Variants in RNF19A observed in about 807,000 individuals in gnomAD.
The protein encoded by RNF19A is ring finger protein 19A, RBR E3 ubiquitin protein ligase, also known as E3 ubiquitin-protein ligase RNF19A.
In RNF19A, 32 loss-of-function variants were observed where a neutral mutation model predicts 75.7. The ratio of observed to expected loss-of-function variants is 0.42; its 90% CI spans 0.32 to 0.57. The LOEUF (loss-of-function observed/expected upper bound fraction) is 0.57, where lower values mean the gene tolerates loss of function less well. RNF19A is among the 20% of genes least tolerant of loss of function. The pLI is 0.10. For synonymous variants in RNF19A, 335 were observed against 345.2 expected, an observed-to-expected ratio of 0.97 and a Z score of 0.33; for missense variants, 782 against 1,036.3, an observed-to-expected ratio of 0.75 and a Z score of 3.37.
chr8:100,264,920 C>G lies in RNF19A; in HGVS notation c.1192-135G>C, dbSNP rs971831715. 7.9e-6 allele frequency: 5 copies of G among 631,930 alleles called. No homozygotes were observed. The highest frequency in any genetic ancestry group is 1.4e-5 in the Non-Finnish European group (5 of 359,064). The allele number at this position is 631,930 out of a possible 1,614,324, so 39.1% of individuals were successfully genotyped here. ...GCTGAGTATCTTAGTTCAAGGTAAA[C>G]CTACTAGTGTCCTTAAACTATTATA... On this transcript the variant is annotated intron_variant, in intron 5 of 9. Coordinates refer to ENST00000341084, the MANE Select transcript of RNF19A (RefSeq NM_183419.4). The surrounding 1 kb of genome is among the most constrained non-coding windows in gnomAD (Gnocchi z 4.7).
intron 2 of RNF19A, among the ~76,000 whole-genome samples, chr8:100,283,442 A>G (rs1820874881): frequency 6.6e-6 from 1 of 152,172 alleles, no homozygotes; most frequent in Non-Finnish European, 1.5e-5. Flanking sequence ...CATGTTCTAG[A>G]AGCTGTCTAG....
rs1822504846 is a variant in RNF19A, at chr8:100,324,641, A to C, written c.-242-11269T>G. On this transcript the variant is annotated intron_variant, in intron 1 of 3. Coordinates refer to the RNF19A transcript ENST00000519527. This position sits in a 1 kb window ranked among gnomAD's most constrained non-coding sequence, Gnocchi z 4.2. ...TAACATACATTTGCATTGATTTTTCACAAACGAAGAATTTCCAACCTGAGA... is the reference window on the plus strand; with the variant it reads ...TAACATACATTTGCATTGATTTTTCCCAAACGAAGAATTTCCAACCTGAGA... Among the ~76,000 whole-genome samples the C allele has an allele frequency of 6.6e-6, 1 of 152,186 alleles. No individual in the cohort carries two copies.
At chr8:100,285,491 T>C (rs1362191359) in intron 2 of RNF19A, among the ~76,000 whole-genome samples, 1 of 152,220 alleles carries the variant, frequency 6.6e-6, no homozygotes, top group Non-Finnish European at 1.5e-5. Flanking sequence ...CTATATATTA[T>C]GATGACATTA....
chr8:100,279,364 GGTTTTGTTTT>G (rs533092214), intron 2 of RNF19A, among the ~76,000 whole-genome samples: 67 of 152,020 alleles, frequency 4.4e-4, no homozygotes, highest in Middle Eastern at 6.8e-3. Flanking sequence ...TTGATTGCCA[GGTTTTGTTTT>G]GTTTTGTTTT....
At chr8:100,313,213 A>T, upstream of RNF19A, 1 of 466,832 alleles carries the variant, frequency 2.1e-6, no homozygotes, top group Non-Finnish European at 2.8e-6. Context: ...GAAAAAGCCT[A>T]CATATCCGTT....
At position 100,275,545 on chromosome 8, in the gene RNF19A, C is replaced by T. The variant is rs917254243; in HGVS notation, c.675-384G>A. ...ACCTGACAGGCAGTTTTTCAACTCT[C>T]GCCCCTCTCCCTCAACTTTTAAGTA... On this transcript the variant is annotated intron_variant, in intron 2 of 9. Transcript: ENST00000341084. This position sits in a 1 kb window ranked among gnomAD's most constrained non-coding sequence, Gnocchi z 4.3. Among the ~76,000 whole-genome samples, 2 of 151,570 alleles carry T rather than the reference C, an allele frequency of 1.3e-5. No homozygotes were observed. Among genetic ancestry groups the T allele is most frequent in the African/African-American group, 2.4e-5 (1 of 41,256 alleles).
intron 1 of RNF19A, among the ~76,000 whole-genome samples, chr8:100,306,901 T>C (rs1822084094): frequency 6.6e-6 from 1 of 152,188 alleles, no homozygotes; most frequent in Non-Finnish European, 1.5e-5. Flanking sequence ...ATTTAGCTAT[T>C]CTCCGTAAGT....
At chr8:100,292,435 GGTGTGTGTGTGTGT>G (rs1554671903) in intron 1 of RNF19A, among the ~76,000 whole-genome samples, 2 of 145,332 alleles carry the variant, frequency 1.4e-5, no homozygotes, top group South Asian at 2.2e-4. Flanking sequence ...CTATCATATG[GGTGTGTGTGTGTGT>G]GTGTGTGTGT....
chr8:100,336,138 A>C (rs1822679758), exon 1 of RNF19A: 1 of 152,426 alleles, frequency 6.6e-6, no homozygotes, highest in Non-Finnish European at 1.5e-5. Flanking sequence ...TAGCGAAGAA[A>C]TGCAGGGCAT....
chr8:100,275,425 CA>C lies in RNF19A; in HGVS notation c.675-265del, dbSNP rs1270999023. Among the ~76,000 whole-genome samples, 3 of 147,372 alleles carry C rather than the reference CA, an allele frequency of 2.0e-5. No homozygotes were observed. Among genetic ancestry groups the C allele is most frequent in the African/African-American group, 7.5e-5 (3 of 39,962 alleles). Reference sequence around the variant, plus strand: ...AGGTTCAGGGTTTTTTTTTTAGATTCAGGGGGTACATGTGCAAGTTTGTTAC... The same window carrying C: ...AGGTTCAGGGTTTTTTTTTTAGATTCGGGGGTACATGTGCAAGTTTGTTAC... On this transcript the variant is annotated intron_variant, in intron 2 of 9. Coordinates refer to ENST00000341084, the MANE Select transcript of RNF19A (RefSeq NM_183419.4). The surrounding 1 kb of genome is among the most constrained non-coding windows in gnomAD (Gnocchi z 4.3).
At position 100,259,049 on chromosome 8, in the gene RNF19A, C is replaced by G; in HGVS notation, c.2024G>C (p.Ser675Thr). The G allele has an allele frequency of 6.2e-7, 1 of 1,614,188 alleles. No individual in the cohort carries two copies. The highest frequency in any genetic ancestry group is 2.2e-5 in the East Asian group (1 of 44,890). ...KEATAGKKSK[S>T]GKLRKKGNMK... ...GTTACCCTTTTTCCTCAGTTTACCA[C>G]TTTTTGATTTTTTCCCTGCTGTTGC... The change falls in exon 10 of 10, where the codon AGT (serine) becomes ACT (threonine). Residue 675 changes from serine to threonine, a missense_variant. Ser to Thr is a moderately conservative substitution (Grantham distance 58). This residue lies in a region of RNF19A where 442 missense variants were observed against 541.6 expected (regional missense o/e 0.82). Coordinates refer to ENST00000341084, the MANE Select transcript of RNF19A (RefSeq NM_183419.4). This position sits in a 1 kb window ranked among gnomAD's most constrained non-coding sequence, Gnocchi z 4.5.
At chr8:100,274,339 T>C (rs1441737243) in intron 3 of RNF19A, among the ~76,000 whole-genome samples, 1 of 152,222 alleles carries the variant, frequency 6.6e-6, no homozygotes, top group Non-Finnish European at 1.5e-5. Context: ...CCTCTCTGAA[T>C]TGCTTCTGGA....
intron 1 of RNF19A, among the ~76,000 whole-genome samples, chr8:100,321,454 T>C (rs554104331): frequency 6.6e-6 from 1 of 152,364 alleles, no homozygotes; most frequent in South Asian, 2.1e-4. Flanking sequence ...CCACTTCCAA[T>C]TCTAGTTCTC....
chr8:100,325,271 G>A lies in RNF19A; in HGVS notation c.-243+10837C>T, dbSNP rs910982460. On this transcript the variant is annotated intron_variant, in intron 1 of 3. Transcript: ENST00000519527. The surrounding 1 kb of genome is among the most constrained non-coding windows in gnomAD (Gnocchi z 4.3). ...AAACATGTTTGATACTGAAGGCAGA[G>A]AACTTAAGAGCCTGAAGGGTTTTTG... 1.3e-5 allele frequency among the ~76,000 whole-genome samples: 2 copies of A among 152,214 alleles called. No individual in the cohort carries two copies. The highest frequency in any genetic ancestry group is 4.8e-5 in the African/African-American group (2 of 41,464).
At chr8:100,315,396 G>A (rs571077582) in intron 1 of RNF19A, among the ~76,000 whole-genome samples, 1 of 152,200 alleles carries the variant, frequency 6.6e-6, no homozygotes, top group African/African-American at 2.4e-5. Context: ...GTTTCACTGG[G>A]GGGGAAAAAT....
At chr8:100,326,473 G>C (rs1822534887) in intron 1 of RNF19A, among the ~76,000 whole-genome samples, 1 of 152,110 alleles carries the variant, frequency 6.6e-6, no homozygotes, top group Non-Finnish European at 1.5e-5. Flanking sequence ...GCTGGGCAGA[G>C]GGTATTATAC....
chr8:100,306,269 T>G (rs1024619565), intron 1 of RNF19A, among the ~76,000 whole-genome samples: 2 of 152,210 alleles, frequency 1.3e-5, no homozygotes, highest in East Asian at 3.8e-4. Flanking sequence ...CTGAGCAGGA[T>G]TTTTGCTTCA....
intron 3 of RNF19A, 103 bp from the exon 4 acceptor site, chr8:100,270,116 G>C: frequency 1.0e-6 from 1 of 998,368 alleles, no homozygotes; most frequent in East Asian, 2.9e-5. Context: ...TTAAGATGTA[G>C]TTTGTTAACT....
chr8:100,304,698 C>A (rs899557147), intron 1 of RNF19A, among the ~76,000 whole-genome samples: 3 of 152,194 alleles, frequency 2.0e-5, no homozygotes, highest in Non-Finnish European at 2.9e-5. Flanking sequence ...TCTCCTGATT[C>A]TATTTAAGAG....
Sources: allele counts gnomAD v4.1 joint callset (sites outside exome capture counted in the v4.1 genomes callset), GRCh38; gene constraint gnomAD v4.1.1; regional missense constraint gnomAD v4.1.1; non-coding constraint Gnocchi (gnomAD v3.1); transcripts MANE v1.5; gene names NCBI Gene and HGNC (gene_info 2026-07-23, HGNC 2026-07-21).